The following ZEB2 variants were observed in gnomAD, a reference collection of about 807,000 sequenced individuals.
ZEB2 encodes zinc finger E-box-binding homeobox 2.
In ZEB2, 6 loss-of-function variants were observed where a neutral mutation model predicts 99.9. The ratio of observed to expected loss-of-function variants is 0.06; its 90% CI spans 0.03 to 0.12. The LOEUF is 0.12. ZEB2 is among the 10% of genes least tolerant of loss of function. ZEB2 has a pLI of 1.00. For synonymous variants in ZEB2, 517 were observed against 542.5 expected (o/e 0.95, Z 0.65); for missense variants, 969 against 1,502.8 (o/e 0.64, Z 5.87).
intron 4 of ZEB2, 53 bp downstream of exon 4, chr2:144,424,743 A>T: frequency 1.2e-6 from 2 of 1,604,974 alleles, no homozygotes; most frequent in Non-Finnish European, 1.7e-6. Context: ...CTGCCTCACT[A>T]AACCCACATG....
intron 2 of ZEB2, among the ~76,000 whole-genome samples, chr2:144,480,196 A>ATATC (rs1704490689): frequency 6.6e-6 from 1 of 152,218 alleles, no homozygotes; most frequent in Non-Finnish European, 1.5e-5. Context: ...TCCCCATAAA[A>ATATC]ACTTTTTAGA....
At chr2:144,417,980 T>G (rs1446150907) in intron 4 of ZEB2, among the ~76,000 whole-genome samples, 1 of 152,194 alleles carries the variant, frequency 6.6e-6, no homozygotes, top group Non-Finnish European at 1.5e-5. Context: ...CAATAATAAA[T>G]TTTTAAAAAG....
At chr2:144,515,780 T>TAC (rs756213501) in intron 2 of ZEB2, among the ~76,000 whole-genome samples, 1 of 131,548 alleles carries the variant, frequency 7.6e-6, no homozygotes, top group East Asian at 2.1e-4. Context: ...CACACACGCG[T>TAC]ACACACACAC....
chr2:144,454,626 A>G (rs1390430105), intron 2 of ZEB2, among the ~76,000 whole-genome samples: 3 of 152,206 alleles, frequency 2.0e-5, no homozygotes, highest in Non-Finnish European at 4.4e-5. Context: ...CTCAGTGAGT[A>G]TCTATTGTGT....
chr2:144,513,336 C>A (rs1388150941), intron 2 of ZEB2: 1 of 1,303,860 alleles, frequency 7.7e-7, no homozygotes, highest in Middle Eastern at 3.2e-4. Context: ...CAACTTGATC[C>A]CTGTTCTTTG....
chr2:144,493,728 C>G (rs1215399901), intron 2 of ZEB2, among the ~76,000 whole-genome samples: 1 of 152,144 alleles, frequency 6.6e-6, no homozygotes, highest in African/African-American at 2.4e-5. Flanking sequence ...AACTTTCATC[C>G]TTAGTTGTGT....
chr2:144,503,316 A>C (rs529125655), intron 2 of ZEB2, among the ~76,000 whole-genome samples: 1 of 152,360 alleles, frequency 6.6e-6, no homozygotes, highest in South Asian at 2.1e-4. Context: ...CAGAGCATTA[A>C]ATCAAGCAAA....
At position 144,400,248 on chromosome 2, in the gene ZEB2, T is replaced by C; in HGVS notation, c.939A>G (p.Pro313=). 2 of 1,611,410 alleles carry C rather than the reference T, an allele frequency of 1.2e-6. No homozygotes were observed. The highest frequency in any genetic ancestry group is 1.7e-6 in the Non-Finnish European group (2 of 1,179,988). The change falls in exon 8 of 10, where the codon CCA becomes CCG. Residue 313 remains proline (P), a synonymous_variant. Transcript: ENST00000627532. ...IHSGEKPYEC[P]NCKKRFSHSG... Reference sequence around the variant, plus strand: ...AATGGGAGAAACGTTTCTTGCAGTTTGGGCACTCGTAAGGTTTTTCACCTA... The same window carrying C: ...AATGGGAGAAACGTTTCTTGCAGTTCGGGCACTCGTAAGGTTTTTCACCTA...
intron 2 of ZEB2, among the ~76,000 whole-genome samples, chr2:144,435,600 A>C (rs1258152939): frequency 8.2e-6 from 1 of 122,460 alleles, no homozygotes; most frequent in Admixed American, 8.1e-5. Flanking sequence ...CCCTGTCTTT[A>C]AAAAAAAAAA....
At chr2:144,488,670 A>AGTGTGTGTGTGT (rs57221448) in intron 2 of ZEB2, among the ~76,000 whole-genome samples, 1,606 of 148,118 alleles carry the variant, frequency 0.011, 35 homozygotes, top group African/African-American at 0.037. Flanking sequence ...CTCGTGTGTG[A>AGTGTGTGTGTGT]GTGTGTGTGT....
In ZEB2 at chr2:144,517,384, AC is replaced by A. The variant is rs776694746; in HGVS notation, c.-35del. ...GCGGATCAGATGGCAGTTCGCATGG[AC>A]TCGGCGCCCTGCTTCGGCAGCACGC... On this transcript the variant is annotated 5_prime_UTR_variant, in exon 2 of 10. An upstream open reading frame in the 5' UTR loses its in-frame stop. Transcript: ENST00000627532. 1 of 1,611,928 alleles carries A rather than the reference AC, an allele frequency of 6.2e-7. No homozygotes were observed. The highest frequency in any genetic ancestry group is 8.5e-7 in the Non-Finnish European group (1 of 1,178,536).
Position 144,399,904 on chromosome 2 carries a change from A to T in ZEB2, c.1283T>A (p.Val428Asp). ...CATTGGACTCTGAGCAGATGGATGA[A>T]CTCCTAAAGGGCTGGTGGCTCCAAG... ...GGLGATSPLG[V>D]HPSAQSPMQH... The change falls in exon 8 of 10, where the codon GTT becomes GAT. Residue 428 changes from valine to aspartate, a missense_variant. This residue lies in a region of ZEB2 where 227 missense variants were observed against 278.2 expected (regional missense o/e 0.82). Coordinates refer to ENST00000627532, the MANE Select transcript of ZEB2 (RefSeq NM_014795.4). The surrounding 1 kb of genome is among the most constrained non-coding windows in gnomAD (Gnocchi z 5.6). 1.2e-6 allele frequency: 2 copies of T among 1,613,950 alleles called. No homozygotes were observed. The highest frequency in any genetic ancestry group is 1.7e-6 in the Non-Finnish European group (2 of 1,179,978).
intron 8 of ZEB2, among the ~76,000 whole-genome samples, chr2:144,397,249 G>A (rs1190469858): frequency 2.0e-5 from 3 of 152,174 alleles, no homozygotes; most frequent in Non-Finnish European, 1.5e-5. Flanking sequence ...AAACTTGCAT[G>A]ATAACATACA....
chr2:144,509,753 C>T (rs1369206467), intron 2 of ZEB2, among the ~76,000 whole-genome samples: 4 of 152,122 alleles, frequency 2.6e-5, no homozygotes, highest in East Asian at 3.9e-4. Flanking sequence ...AAGATAATGT[C>T]GCTGAAAAGT....
chr2:144,435,090 G>T (rs528341036), intron 2 of ZEB2, among the ~76,000 whole-genome samples: 337 of 152,200 alleles, frequency 2.2e-3, no homozygotes, highest in Non-Finnish European at 3.5e-3. Context: ...TCTTTTCTCT[G>T]GTGCTGCAAT....
intron 2 of ZEB2, among the ~76,000 whole-genome samples, chr2:144,507,866 T>A (rs1704972398): frequency 6.6e-6 from 1 of 152,228 alleles, no homozygotes; most frequent in Admixed American, 6.5e-5. Flanking sequence ...GAATAATTCA[T>A]GAGCAGATTT....
intron 2 of ZEB2, among the ~76,000 whole-genome samples, chr2:144,485,677 C>T (rs148413662): frequency 3.9e-5 from 6 of 152,162 alleles, no homozygotes; most frequent in Non-Finnish European, 7.4e-5. Context: ...TGGGGTGCAA[C>T]GGCATGATCT....
chr2:144,433,504 T>C (rs998679852), intron 2 of ZEB2, among the ~76,000 whole-genome samples: 23 of 152,214 alleles, frequency 1.5e-4, no homozygotes, highest in African/African-American at 5.3e-4. Flanking sequence ...TATTAAAGTT[T>C]CATTTTCTCT....
At chr2:144,429,438 C>A (rs554061858) in intron 3 of ZEB2, 1 of 322,206 alleles carries the variant, frequency 3.1e-6, no homozygotes, top group Admixed American at 4.5e-5. Flanking sequence ...GCTTCCATTT[C>A]CTATCATGAA....
Sources: gnomAD v4.1 joint callset for allele counts (sites outside exome capture counted in the v4.1 genomes callset) on GRCh38, gnomAD v4.1.1 for gene constraint, gnomAD v4.1.1 regional missense constraint, Gnocchi (gnomAD v3.1) non-coding constraint, MANE v1.5 for transcripts, NCBI Gene and HGNC (gene_info 2026-07-23, HGNC 2026-07-21) for gene names.